Variants in ZBTB8A observed in about 807,000 individuals in gnomAD.
The protein encoded by ZBTB8A is zinc finger and BTB domain containing 8A.
Under a neutral mutation model 37.8 loss-of-function variants are expected in ZBTB8A, and 19 were observed. That is an observed-to-expected ratio of 0.50 (90% confidence interval 0.35 to 0.74). The LOEUF (loss-of-function observed/expected upper bound fraction) is 0.74. Among genes scored for constraint, ZBTB8A ranks in the 30% least tolerant of loss-of-function variants. The pLI is 0.01. For missense variants in ZBTB8A, 394 were observed against 537.8 expected, an observed-to-expected ratio of 0.73 and a Z score of 2.65; for synonymous variants, 181 against 185.2, an observed-to-expected ratio of 0.98 and a Z score of 0.19.
chr1:32,565,068 G>A (rs1282853263), intron 2 of ZBTB8A, among the ~76,000 whole-genome samples: 1 of 152,222 alleles, frequency 6.6e-6, no homozygotes, highest in African/African-American at 2.4e-5. Flanking sequence ...AGTGGCTCAT[G>A]CCTGTAATCC....
intron 2 of ZBTB8A, among the ~76,000 whole-genome samples, chr1:32,577,620 CTT>C (rs1183350135): frequency 1.0e-5 from 1 of 96,792 alleles, no homozygotes; most frequent in Non-Finnish European, 1.9e-5. Context: ...GAGACAGAGT[CTT>C]TCTCTGTCAC....
chr1:32,551,136 G>T (rs554641273), intron 1 of ZBTB8A, among the ~76,000 whole-genome samples: 2 of 152,196 alleles, frequency 1.3e-5, no homozygotes, highest in African/African-American at 4.8e-5. Flanking sequence ...GTGTGGCAAC[G>T]GGTTGTTCTC....
intron 1 of ZBTB8A, 139 bp downstream of exon 1, chr1:32,539,711 GA>G (rs1553175130): frequency 0.096 from 116 of 1,204 alleles, no homozygotes; most frequent in African/African-American, 0.12. Flanking sequence ...GCCTCCCCCA[GA>G]CGTCCCCGGG....
rs1041665564 is a variant in ZBTB8A, at chr1:32,552,951, A to G, written c.-83-508A>G. Reference sequence around the variant, plus strand: ...TATTTGTTCTATATTATATATTAATATTAATTATTAATGATTTTCTATTAA... The same window carrying G: ...TATTTGTTCTATATTATATATTAATGTTAATTATTAATGATTTTCTATTAA... On this transcript the variant is annotated intron_variant, in intron 1 of 4. Coordinates refer to ENST00000373510, the MANE Select transcript of ZBTB8A (RefSeq NM_001040441.3). Among the ~76,000 whole-genome samples, 4 of 148,784 alleles carry G rather than the reference A, an allele frequency of 2.7e-5. No homozygotes were observed. In the East Asian group the frequency reaches 5.8e-4, roughly 22 times the overall value.
chr1:32,600,460 C>T lies in ZBTB8A; in HGVS notation c.*41C>T. The T allele has an allele frequency of 1.4e-6, 2 of 1,416,600 alleles. No homozygotes were observed. The highest frequency in any genetic ancestry group is 2.5e-5 in the South Asian group (2 of 79,424). The allele number at this position is 1,416,600 out of a possible 1,614,324, so 87.8% of individuals were successfully genotyped here. ...ACAGAGCTGGCATGTCTGCAATTTA[C>T]ATTGACTTCCTGTATCTCTCTCTTT... is the stretch of plus-strand genomic sequence containing the variant. On this transcript the variant is annotated 3_prime_UTR_variant, in exon 5 of 5. Coordinates refer to ENST00000373510, the MANE Select transcript of ZBTB8A (RefSeq NM_001040441.3).
intron 2 of ZBTB8A, among the ~76,000 whole-genome samples, chr1:32,575,283 G>T (rs557915526): frequency 7.3e-6 from 1 of 136,724 alleles, no homozygotes; most frequent in South Asian, 2.3e-4. Context: ...CTGGAGTGCA[G>T]TGGCACAATG....
chr1:32,570,042 A>G (rs976359806), intron 2 of ZBTB8A, among the ~76,000 whole-genome samples: 3 of 152,308 alleles, frequency 2.0e-5, no homozygotes, highest in South Asian at 4.1e-4. Flanking sequence ...AACTTTTTCT[A>G]TGATCCTTGT....
intron 2 of ZBTB8A, among the ~76,000 whole-genome samples, chr1:32,567,231 A>C (rs985619199): frequency 9.9e-5 from 15 of 152,230 alleles, no homozygotes; most frequent in East Asian, 3.9e-4. Context: ...GGTGCTACAC[A>C]CTTTTAAACA....
intron 2 of ZBTB8A, among the ~76,000 whole-genome samples, chr1:32,577,395 C>A (rs1328384912): frequency 1.3e-5 from 2 of 151,694 alleles, no homozygotes. Flanking sequence ...GGCAATCCAC[C>A]CGCCTCAGCC....
At chr1:32,576,164 C>G (rs1372998190) in intron 2 of ZBTB8A, among the ~76,000 whole-genome samples, 7 of 152,116 alleles carry the variant, frequency 4.6e-5, no homozygotes, top group African/African-American at 1.7e-4. Context: ...TCCAAAATGT[C>G]TACATAAATA....
intron 2 of ZBTB8A, among the ~76,000 whole-genome samples, chr1:32,561,866 G>C (rs1353295843): frequency 6.6e-6 from 1 of 152,128 alleles, no homozygotes; most frequent in East Asian, 1.9e-4. Context: ...TATAATTTTG[G>C]GGGGCACAAC....
intron 2 of ZBTB8A, among the ~76,000 whole-genome samples, chr1:32,566,217 A>AG (rs1644278151): frequency 6.6e-6 from 1 of 150,916 alleles, no homozygotes; most frequent in Non-Finnish European, 1.5e-5. Flanking sequence ...AAAAAAAAAA[A>AG]AAGAATAATT....
chr1:32,590,654 G>A (rs189541797), intron 2 of ZBTB8A, among the ~76,000 whole-genome samples: 2 of 152,208 alleles, frequency 1.3e-5, no homozygotes, highest in African/African-American at 4.8e-5. Context: ...CTAGGAATTC[G>A]TGGCAGGAAA....
intron 1 of ZBTB8A, among the ~76,000 whole-genome samples, chr1:32,542,928 A>G (rs1326586834): frequency 6.6e-6 from 1 of 152,206 alleles, no homozygotes; most frequent in Non-Finnish European, 1.5e-5. Flanking sequence ...TGCATTACCG[A>G]TTTCCATGAC....
chr1:32,574,589 C>T (rs762081216), intron 2 of ZBTB8A, among the ~76,000 whole-genome samples: 29 of 151,868 alleles, frequency 1.9e-4, no homozygotes, highest in South Asian at 2.1e-4. Flanking sequence ...AGAGCAAGAC[C>T]CTGTCTCTAA....
intron 2 of ZBTB8A, among the ~76,000 whole-genome samples, chr1:32,582,215 A>C (rs1489253370): frequency 1.3e-5 from 2 of 152,196 alleles, no homozygotes; most frequent in Admixed American, 1.3e-4. Flanking sequence ...CTTGATGCTC[A>C]AAGGAAATGC....
chr1:32,542,508 A>G (rs1644064445), intron 1 of ZBTB8A, among the ~76,000 whole-genome samples: 1 of 152,192 alleles, frequency 6.6e-6, no homozygotes, highest in Non-Finnish European at 1.5e-5. Context: ...TGGGAGGCAG[A>G]GGTTGCAGTA....
chr1:32,585,096 T>C (rs1644437765), intron 2 of ZBTB8A, among the ~76,000 whole-genome samples: 1 of 139,876 alleles, frequency 7.1e-6, no homozygotes. Context: ...AGTGGCACCA[T>C]CATGACTTAC....
At chr1:32,544,115 C>A (rs959537649) in intron 1 of ZBTB8A, among the ~76,000 whole-genome samples, 75 of 152,334 alleles carry the variant, frequency 4.9e-4, no homozygotes, top group African/African-American at 1.7e-3. Flanking sequence ...ACTACAGGCT[C>A]ACGCCACCGT....
Sources: gnomAD v4.1 joint callset for allele counts (sites outside exome capture counted in the v4.1 genomes callset) on GRCh38, gnomAD v4.1.1 for gene constraint, MANE v1.5 for transcripts, NCBI Gene and HGNC (gene_info 2026-07-23, HGNC 2026-07-21) for gene names.